The following DNAH9 variants were observed in gnomAD, a reference collection of about 807,000 sequenced individuals.
DNAH9 encodes DNAH9 variant protein.
In DNAH9, 345 loss-of-function variants were observed where a neutral mutation model predicts 471.6. That is an observed-to-expected ratio of 0.73 (90% CI 0.67 to 0.80). The LOEUF is 0.80. Ranked by LOEUF, DNAH9 falls within the 30% of genes least tolerant of loss-of-function variation. The pLI is 0.00. For missense variants in DNAH9, 5,407 were observed against 5,609.2 expected, an observed-to-expected ratio of 0.96 and a Z score of 1.15; for synonymous variants, 2,093 against 2,123.6, an observed-to-expected ratio of 0.99 and a Z score of 0.40.
At chr17:11,854,886 G>A (rs1971567528) in intron 50 of DNAH9, among the ~76,000 whole-genome samples, 1 of 152,134 alleles carries the variant, frequency 6.6e-6, no homozygotes, top group Admixed American at 6.6e-5. Flanking sequence ...GTGACTTAGT[G>A]GGTGGCCCCT....
chr17:11,834,730 G>A lies in DNAH9; in HGVS notation c.9339G>A (p.Val3113=), dbSNP rs547063565. The A allele has an allele frequency of 5.0e-6, 8 of 1,614,088 alleles. No individual in the cohort carries two copies. The highest frequency in any genetic ancestry group is 1.7e-5 in the Admixed American group (1 of 59,992). The change falls in exon 49 of 69, where the codon GTG becomes GTA. Residue 3113 remains valine (V), a synonymous_variant. Transcript: ENST00000262442. ...DADKLIQVVG[V]ETDKVSREKA... The stretch of plus-strand genomic sequence containing the variant: ...ACAAACTGATTCAGGTCGTGGGTGT[G>A]GAGACTGACAAAGTGAGCAGAGAGA...
At chr17:11,874,807 C>A (rs1972412472) in intron 52 of DNAH9, 142 bp from the exon 53 acceptor site, 3 of 643,604 alleles carry the variant, frequency 4.7e-6, no homozygotes, top group Non-Finnish European at 5.4e-6. Flanking sequence ...CAGAAATAAT[C>A]ACACAGCCAG....
chr17:11,735,061 C>A (rs948267863), intron 28 of DNAH9, among the ~76,000 whole-genome samples: 1 of 152,152 alleles, frequency 6.6e-6, no homozygotes, highest in African/African-American at 2.4e-5. Context: ...TAAGAATTTG[C>A]ATGGGAATTG....
intron 50 of DNAH9, among the ~76,000 whole-genome samples, chr17:11,868,669 ACCTTTTTCATGCTAACC>A (rs1274558204): frequency 6.6e-6 from 1 of 151,822 alleles, no homozygotes; most frequent in Non-Finnish European, 1.5e-5. Context: ...GTTGCTGTTG[ACCTTTTTCATGCTAACC>A]CCAGTTTTGA....
intron 6 of DNAH9, among the ~76,000 whole-genome samples, chr17:11,627,025 C>T (rs1714218279): frequency 1.3e-5 from 2 of 151,928 alleles, no homozygotes; most frequent in Admixed American, 6.6e-5. Context: ...TAATATAATT[C>T]CAGAGTGTGA....
intron 61 of DNAH9, among the ~76,000 whole-genome samples, chr17:11,921,059 T>C (rs1974121100): frequency 6.6e-6 from 1 of 151,888 alleles, no homozygotes; most frequent in East Asian, 1.9e-4. Context: ...GAGGATCGCT[T>C]GAATCTGAGA....
intron 31 of DNAH9, among the ~76,000 whole-genome samples, chr17:11,746,194 A>G (rs926749238): frequency 6.6e-6 from 1 of 152,158 alleles, no homozygotes; most frequent in East Asian, 1.9e-4. Context: ...GTAGTCAGGA[A>G]AGAGGTTTAA....
intron 61 of DNAH9, among the ~76,000 whole-genome samples, chr17:11,922,696 G>T (rs369934850): frequency 6.6e-6 from 1 of 152,126 alleles, no homozygotes; most frequent in Non-Finnish European, 1.5e-5. Flanking sequence ...ACTCTAATTC[G>T]TGCAAAATGA....
At chr17:11,650,689 A>G (rs982231837) in intron 12 of DNAH9, among the ~76,000 whole-genome samples, 50 of 152,342 alleles carry the variant, frequency 3.3e-4, no homozygotes, top group Middle Eastern at 3.4e-3. Context: ...AGCCCAGGCC[A>G]GATGATTCTC....
At chr17:11,651,352 A>G (rs759510323) in intron 13 of DNAH9, 28 bp downstream of exon 13, 1 of 1,592,724 alleles carries the variant, frequency 6.3e-7, no homozygotes, top group East Asian at 2.2e-5. Flanking sequence ...GAAGTCTGAC[A>G]AAAACATGGA....
intron 32 of DNAH9, among the ~76,000 whole-genome samples, 177 bp from the exon 33 acceptor site, chr17:11,752,656 C>G (rs754251387): frequency 6.6e-6 from 1 of 151,942 alleles, no homozygotes. Context: ...ACAGAGCAAG[C>G]CTCCATCTAA....
At chr17:11,767,834 A>G (rs1038365683) in intron 36 of DNAH9, among the ~76,000 whole-genome samples, 3 of 151,930 alleles carry the variant, frequency 2.0e-5, no homozygotes, top group African/African-American at 7.3e-5. Flanking sequence ...TGTCAGAAAA[A>G]CCAGTACAGC....
In DNAH9 at chr17:11,834,819, A is replaced by C; in HGVS notation, c.9428A>C (p.Gln3143Pro). Reference protein sequence around the residue: ...AVIMLEVKQKQKDCEEDLAKA... With the variant: ...AVIMLEVKQKPKDCEEDLAKA... ...ATCATGCTAGAGGTGAAACAGAAGC[A>C]GAAGGACTGTGAGGAGGACCTGGCA... Residue 3143 changes from glutamine to proline, a missense_variant, in exon 49 of 69, where the codon CAG becomes CCG. This residue lies in a region of DNAH9 where 4,636 missense variants were observed against 4,900.3 expected (regional missense o/e 0.95). Transcript: ENST00000262442. 6.2e-7 allele frequency: 1 copy of C among 1,614,160 alleles called. No homozygotes were observed. The highest frequency in any genetic ancestry group is 1.1e-5 in the South Asian group (1 of 91,070).
intron 26 of DNAH9, among the ~76,000 whole-genome samples, chr17:11,715,274 G>A (rs1355712241): frequency 6.6e-6 from 1 of 152,140 alleles, no homozygotes; most frequent in Non-Finnish European, 1.5e-5. Flanking sequence ...ACTTTTCAAG[G>A]CACTTTCAAA....
chr17:11,604,214 G>C (rs1403682078), intron 1 of DNAH9, among the ~76,000 whole-genome samples: 2 of 151,894 alleles, frequency 1.3e-5, no homozygotes, highest in African/African-American at 4.8e-5. Flanking sequence ...GTAGAGATGG[G>C]GTTTCTACTC....
intron 25 of DNAH9, 41 bp from the exon 26 acceptor site, chr17:11,704,984 T>C (rs200662145): frequency 6.3e-7 from 1 of 1,579,028 alleles, no homozygotes; most frequent in African/African-American, 1.3e-5. Flanking sequence ...GACTACCTGC[T>C]GCCTATGATT....
At chr17:11,659,945 G>A (rs34218378) in intron 14 of DNAH9, among the ~76,000 whole-genome samples, 1 of 152,158 alleles carries the variant, frequency 6.6e-6, no homozygotes, top group Non-Finnish European at 1.5e-5. Flanking sequence ...GGGATCTGTA[G>A]TGCTGCATCC....
At chr17:11,708,810 A>G (rs1179170575) in intron 26 of DNAH9, among the ~76,000 whole-genome samples, 2 of 152,004 alleles carry the variant, frequency 1.3e-5, no homozygotes, top group African/African-American at 2.4e-5. Context: ...GGGCAATTTG[A>G]TAAATCTATC....
intron 22 of DNAH9, among the ~76,000 whole-genome samples, chr17:11,697,097 T>G (rs1412914591): frequency 6.6e-6 from 1 of 152,162 alleles, no homozygotes; most frequent in Non-Finnish European, 1.5e-5. Flanking sequence ...CTTCAAGTGA[T>G]CCTCCCGTCT....
Sources: gnomAD v4.1 joint callset for allele counts (sites outside exome capture counted in the v4.1 genomes callset) on GRCh38, gnomAD v4.1.1 for gene constraint, gnomAD v4.1.1 regional missense constraint, MANE v1.5 for transcripts, NCBI Gene and HGNC (gene_info 2026-07-23, HGNC 2026-07-21) for gene names.